The following CLEC2D variants were observed in gnomAD, a reference collection of about 807,000 sequenced individuals.
The protein encoded by CLEC2D is C-type lectin domain family 2 member D.
A neutral mutation model predicts 20.0 loss-of-function variants in CLEC2D; 16 were observed. The observed-to-expected ratio is 0.80, with a 90% CI of 0.54 to 1.22. CLEC2D has a LOEUF of 1.22. CLEC2D is among the 50% of genes most tolerant of loss of function. The pLI, the probability that CLEC2D is intolerant of heterozygous loss-of-function variation, is 0.00. For missense variants in CLEC2D, 207 were observed against 221.5 expected (o/e 0.93, Z 0.42); for synonymous variants, 77 against 71.1 (o/e 1.08, Z -0.42).
chr12:9,693,924 G>A, intron 4 of CLEC2D: 1 of 374,968 alleles, frequency 2.7e-6, no homozygotes, highest in Non-Finnish European at 5.2e-6. Context: ...TCCCATCTCA[G>A]CCTCCTGAGT....
chr12:9,689,364 C>T (rs1865817687), intron 3 of CLEC2D, among the ~76,000 whole-genome samples: 1 of 152,102 alleles, frequency 6.6e-6, no homozygotes, highest in South Asian at 2.1e-4. Context: ...ATTTGACAAT[C>T]CCTGAAGAGC....
chr12:9,684,079 G>T (rs1865702511), intron 2 of CLEC2D, among the ~76,000 whole-genome samples: 1 of 152,120 alleles, frequency 6.6e-6, no homozygotes, highest in African/African-American at 2.4e-5. Flanking sequence ...TCTCCTTGAA[G>T]AGGTCCTTCA....
At chr12:9,694,107 C>G (rs1158828584) in intron 4 of CLEC2D, among the ~76,000 whole-genome samples, 1 of 151,600 alleles carries the variant, frequency 6.6e-6, no homozygotes, top group Non-Finnish European at 1.5e-5. Context: ...AGCCACCATG[C>G]CTGGCCTCTC....
At chr12:9,680,810 C>G (rs1476013428) in intron 1 of CLEC2D, 113 bp from the exon 2 acceptor site, 3 of 578,210 alleles carry the variant, frequency 5.2e-6, no homozygotes, top group Admixed American at 5.7e-5. Flanking sequence ...TCATTTGCAT[C>G]CTCTAGTGAA....
chr12:9,678,447 TAA>T (rs71045284), intron 1 of CLEC2D, among the ~76,000 whole-genome samples: 9,005 of 152,278 alleles, frequency 0.059, 315 homozygotes, highest in Non-Finnish European at 0.084. Flanking sequence ...TCATTGATAT[TAA>T]AATGATTATT....
chr12:9,683,498 G>A (rs1865688733), intron 2 of CLEC2D, among the ~76,000 whole-genome samples: 1 of 151,846 alleles, frequency 6.6e-6, no homozygotes, highest in Non-Finnish European at 1.5e-5. Flanking sequence ...AGGTTTTTAT[G>A]GTTTTAGGTC....
chr12:9,686,963 T>G, intron 2 of CLEC2D, among the ~76,000 whole-genome samples: 1 of 152,212 alleles, frequency 6.6e-6, no homozygotes, highest in East Asian at 1.9e-4. Flanking sequence ...ATAAGGCATC[T>G]CTATCCTGCC....
At chr12:9,670,574 C>T (rs1043238455) in intron 1 of CLEC2D, among the ~76,000 whole-genome samples, 8 of 152,192 alleles carry the variant, frequency 5.3e-5, no homozygotes. Context: ...TCATGTCCTC[C>T]TTGGCTTGTG....
chr12:9,688,999 G>A (rs1865811400), intron 3 of CLEC2D, among the ~76,000 whole-genome samples: 1 of 152,134 alleles, frequency 6.6e-6, no homozygotes, highest in Non-Finnish European at 1.5e-5. Context: ...GGGATCCATG[G>A]GAACTGCTGC....
At position 9,694,853 on chromosome 12, in the gene CLEC2D, C is replaced by G. The variant is rs1390326180; in HGVS notation, c.555C>G (p.Ser185=). The stretch of plus-strand genomic sequence containing the variant: ...ACACAGAGAGGAAGTGGATTTGTTC[C>G]AAATCAGATATACATGTCTAGATGT... The part of the protein sequence containing the change: ...RHYTERKWIC[S]KSDIHV Residue 185 remains serine, a synonymous_variant, in exon 5 of 5, where the codon TCC becomes TCG. Coordinates refer to ENST00000290855, the MANE Select transcript of CLEC2D (RefSeq NM_013269.6). 2 of 1,599,236 alleles carry G rather than the reference C, an allele frequency of 1.3e-6. No individual in the cohort carries two copies. The highest frequency in any genetic ancestry group is 4.5e-5 in the East Asian group (2 of 44,776).
chr12:9,693,143 T>C, intron 4 of CLEC2D: 1 of 1,489,110 alleles, frequency 6.7e-7, no homozygotes, highest in Non-Finnish European at 9.4e-7. Flanking sequence ...TGAACTTGGC[T>C]CCAGGCTTAT....
At chr12:9,682,336 A>G (rs1381680030) in intron 2 of CLEC2D, among the ~76,000 whole-genome samples, 1 of 152,184 alleles carries the variant, frequency 6.6e-6, no homozygotes, top group Non-Finnish European at 1.5e-5. Context: ...AAAAATTCCT[A>G]ATAGAGCTTT....
chr12:9,679,445 A>G (rs1340149971), intron 1 of CLEC2D, among the ~76,000 whole-genome samples: 1 of 152,120 alleles, frequency 6.6e-6, no homozygotes, highest in Non-Finnish European at 1.5e-5. Context: ...TTTTTTGGCT[A>G]AAGAATTCTA....
chr12:9,686,550 C>T (rs1865753586), intron 2 of CLEC2D, among the ~76,000 whole-genome samples: 1 of 152,154 alleles, frequency 6.6e-6, no homozygotes, highest in African/African-American at 2.4e-5. Flanking sequence ...AGTGATTTCT[C>T]ATCTCACAAG....
chr12:9,695,394 C>T lies in CLEC2D; in HGVS notation c.*520C>T, dbSNP rs2401388. ...GTGTGTCGCCACCCGATGGAAGATT[C>T]GATGGACATGGACATGAGCCCCCTG... On this transcript the variant is annotated 3_prime_UTR_variant, in exon 5 of 5. Coordinates refer to ENST00000290855, the MANE Select transcript of CLEC2D (RefSeq NM_013269.6). 172,542 of 1,442,092 alleles carry T rather than the reference C, an allele frequency of 0.12. 15,132 individuals carry two copies. The highest frequency in any genetic ancestry group is 0.39 in the African/African-American group (27,010 of 68,626). The allele number at this position is 1,442,092 out of a possible 1,614,324, so 89.3% of individuals were successfully genotyped here.
At chr12:9,691,425 A>G (rs1480239332) in intron 3 of CLEC2D, among the ~76,000 whole-genome samples, 1 of 152,196 alleles carries the variant, frequency 6.6e-6, no homozygotes, top group East Asian at 1.9e-4. Flanking sequence ...CCTAACAGGC[A>G]TATACAGAAG....
At chr12:9,679,131 A>G (rs190801958) in intron 1 of CLEC2D, among the ~76,000 whole-genome samples, 82 of 152,270 alleles carry the variant, frequency 5.4e-4, no homozygotes, top group African/African-American at 1.9e-3. Flanking sequence ...AAGCATATAA[A>G]TATATATAAA....
At chr12:9,675,738 T>TA (rs777410395) in intron 1 of CLEC2D, among the ~76,000 whole-genome samples, 8 of 152,244 alleles carry the variant, frequency 5.3e-5, no homozygotes, top group Admixed American at 3.9e-4. Flanking sequence ...GAAGAATTGA[T>TA]ATCTTGGCAA....
chr12:9,692,874 T>C lies in CLEC2D; in HGVS notation c.404T>C (p.Leu135Pro). 1 of 1,613,734 alleles carries C rather than the reference T, an allele frequency of 6.2e-7. No individual in the cohort carries two copies. The highest frequency in any genetic ancestry group is 1.7e-4 in the Middle Eastern group (1 of 6,056). ...YKGPSDHWIG[L>P]SREQGQPWKW... is the part of the protein sequence containing the mutation. Reference sequence around the variant, plus strand: ...GGCCCATCTGATCACTGGATTGGGCTGAGCAGAGAACAAGGCCAACCATGG... The same window carrying C: ...GGCCCATCTGATCACTGGATTGGGCCGAGCAGAGAACAAGGCCAACCATGG... The change falls in exon 4 of 5, where the codon CTG becomes CCG. Residue 135 changes from leucine to proline, a missense_variant. Coordinates refer to ENST00000290855, the MANE Select transcript of CLEC2D (RefSeq NM_013269.6).
Sources: gnomAD v4.1 joint callset for allele counts (sites outside exome capture counted in the v4.1 genomes callset) on GRCh38, gnomAD v4.1.1 for gene constraint, MANE v1.5 for transcripts, NCBI Gene and HGNC (gene_info 2026-07-23, HGNC 2026-07-21) for gene names.